The following MAF variants were observed in gnomAD, a reference collection of about 807,000 sequenced individuals.
The protein encoded by MAF is MAF bZIP transcription factor.
Under a neutral mutation model 22.0 loss-of-function variants are expected in MAF, and 10 were observed. The observed-to-expected ratio is 0.45, with a 90% CI of 0.28 to 0.77. MAF has a LOEUF of 0.77. Among genes scored for constraint, MAF ranks in the 30% least tolerant of loss-of-function variants. The pLI, the probability that MAF is intolerant of heterozygous loss-of-function variation, is 0.12. For synonymous variants in MAF, 337 were observed against 255.8 expected (o/e 1.32, Z -3.03); for missense variants, 544 against 548.4 (o/e 0.99, Z 0.08).
chr16:79,556,673 T>A, the MAF span, among the ~76,000 whole-genome samples: 1 of 152,228 alleles, frequency 6.6e-6, no homozygotes, highest in East Asian at 1.9e-4. Context: ...TTATTCTTCA[T>A]CTTAAATCAA....
the MAF span, among the ~76,000 whole-genome samples, chr16:79,392,503 G>C: frequency 1.7e-5 from 1 of 57,258 alleles, no homozygotes; most frequent in East Asian, 2.1e-4. Context: ...GGAGGAGAGA[G>C]AGAGAGAGAG....
the MAF span, among the ~76,000 whole-genome samples, chr16:79,521,324 C>T: frequency 6.6e-6 from 1 of 152,210 alleles, no homozygotes; most frequent in South Asian, 2.1e-4. Context: ...GTTTCAACCA[C>T]TGTTGGTTTA....
chr16:79,389,703 A>C, the MAF span, among the ~76,000 whole-genome samples: 8 of 150,926 alleles, frequency 5.3e-5, no homozygotes, highest in South Asian at 2.2e-4. Context: ...CAGGCCGGGC[A>C]TGGTGGCTCA....
At chr16:79,561,431 C>T in the MAF span, among the ~76,000 whole-genome samples, 1 of 151,608 alleles carries the variant, frequency 6.6e-6, no homozygotes, top group Non-Finnish European at 1.5e-5. Context: ...TCGTCATTTA[C>T]CATTAGGTAT....
At chr16:79,418,538 A>G in the MAF span, among the ~76,000 whole-genome samples, 1 of 152,156 alleles carries the variant, frequency 6.6e-6, no homozygotes, top group African/African-American at 2.4e-5. Flanking sequence ...TGAGGGGGCA[A>G]AGGAAAGGAA....
At chr16:79,491,692 G>T in the MAF span, among the ~76,000 whole-genome samples, 1 of 152,082 alleles carries the variant, frequency 6.6e-6, no homozygotes, top group Non-Finnish European at 1.5e-5. Flanking sequence ...AGTAAATTAC[G>T]CCAACTGATG....
At chr16:79,213,279 C>G in the MAF span, among the ~76,000 whole-genome samples, 1 of 150,316 alleles carries the variant, frequency 6.7e-6, no homozygotes, top group Non-Finnish European at 1.5e-5. Context: ...GCCTCTGCAT[C>G]TGTGGTGCAG....
At chr16:79,358,193 T>C in the MAF span, among the ~76,000 whole-genome samples, 7 of 152,298 alleles carry the variant, frequency 4.6e-5, no homozygotes, top group East Asian at 1.2e-3. Flanking sequence ...ATACTGGCGA[T>C]GTAATGAGAG....
At chr16:79,308,741 C>G in the MAF span, among the ~76,000 whole-genome samples, 1 of 152,186 alleles carries the variant, frequency 6.6e-6, no homozygotes, top group Non-Finnish European at 1.5e-5. Flanking sequence ...CTGGCATCAA[C>G]TTTCCCACAG....
chr16:79,485,059 T>C, the MAF span, among the ~76,000 whole-genome samples: 2 of 152,154 alleles, frequency 1.3e-5, no homozygotes, highest in Non-Finnish European at 2.9e-5. Context: ...CTGATTAGAC[T>C]TTTATGAAAA....
the MAF span, among the ~76,000 whole-genome samples, chr16:79,541,423 G>A: frequency 3.3e-5 from 5 of 151,994 alleles, no homozygotes; most frequent in South Asian, 2.1e-4. Context: ...AGGAGCCTGC[G>A]TCAGTCCCTG....
the MAF span, among the ~76,000 whole-genome samples, chr16:79,416,575 A>G: frequency 6.6e-6 from 1 of 152,116 alleles, no homozygotes. Flanking sequence ...AGTTTTAAAT[A>G]TCCAGGAGGG....
the MAF span, among the ~76,000 whole-genome samples, chr16:79,210,366 G>T: frequency 6.6e-6 from 1 of 152,136 alleles, no homozygotes; most frequent in African/African-American, 2.4e-5. Context: ...CAAGCATAGT[G>T]ATTGCAAACC....
the MAF span, among the ~76,000 whole-genome samples, chr16:79,273,937 C>T: frequency 2.1e-5 from 3 of 141,904 alleles, no homozygotes; most frequent in African/African-American, 7.8e-5. Flanking sequence ...GTTCTAGGTA[C>T]TTCGTGTCTG....
chr16:79,212,325 T>C, the MAF span: 1 of 776,958 alleles, frequency 1.3e-6, no homozygotes, highest in South Asian at 2.1e-5. Context: ...CTCAGAACCT[T>C]GTCCCAGCCA....
At chr16:79,385,338 C>T in the MAF span, among the ~76,000 whole-genome samples, 1 of 152,146 alleles carries the variant, frequency 6.6e-6, no homozygotes, top group African/African-American at 2.4e-5. Flanking sequence ...TAACAGACTG[C>T]CACTTCTAAT....
the MAF span, among the ~76,000 whole-genome samples, chr16:79,469,110 C>T: frequency 6.6e-6 from 1 of 152,282 alleles, no homozygotes; most frequent in African/African-American, 2.4e-5. Context: ...TCCTCTAAAG[C>T]AGAGGTTGCA....
At chr16:79,308,792 C>G in the MAF span, among the ~76,000 whole-genome samples, 1 of 152,130 alleles carries the variant, frequency 6.6e-6, no homozygotes, top group African/African-American at 2.4e-5. Context: ...AGTGGCAGAT[C>G]TAGGCACAAA....
At chr16:79,444,988 A>G in the MAF span, among the ~76,000 whole-genome samples, 3 of 152,212 alleles carry the variant, frequency 2.0e-5, no homozygotes, top group Non-Finnish European at 4.4e-5. Context: ...AAAAATTAAT[A>G]ATGATGATTA....
Sources: gnomAD v4.1 joint callset for allele counts (sites outside exome capture counted in the v4.1 genomes callset) on GRCh38, gnomAD v4.1.1 for gene constraint, MANE v1.5 for transcripts, NCBI Gene and HGNC (gene_info 2026-07-23, HGNC 2026-07-21) for gene names.